Variants in PRKAR1A observed in about 807,000 individuals in gnomAD.
The protein encoded by PRKAR1A is protein kinase cAMP-dependent type I regulatory subunit alpha, also known as cAMP-dependent protein kinase type I-alpha regulatory subunit.
PRKAR1A carries 3 observed loss-of-function variants against 52.0 expected under a neutral mutation model. The ratio of observed to expected loss-of-function variants is 0.06; its 90% CI spans 0.03 to 0.15. The LOEUF is 0.15. Among genes scored for constraint, PRKAR1A ranks in the 10% least tolerant of loss-of-function variants. The pLI, the probability that PRKAR1A is intolerant of heterozygous loss-of-function variation, is 1.00. For synonymous variants in PRKAR1A, 188 were observed against 168.4 expected (o/e 1.12, Z -0.90); for missense variants, 240 against 477.4 (o/e 0.50, Z 4.63).
At chr17:68,445,344 A>G in the PRKAR1A span, among the ~76,000 whole-genome samples, 2 of 152,152 alleles carry the variant, frequency 1.3e-5, no homozygotes, top group Admixed American at 6.5e-5. Context: ...TCTCCCTCCT[A>G]TATAAAAATG....
the PRKAR1A span, among the ~76,000 whole-genome samples, chr17:68,459,351 C>T: frequency 6.6e-6 from 1 of 152,268 alleles, no homozygotes; most frequent in East Asian, 1.9e-4. Flanking sequence ...TGAAGTGTAC[C>T]ATAAAGTTTT....
the PRKAR1A span, among the ~76,000 whole-genome samples, chr17:68,492,229 CAG>C: frequency 1.3e-5 from 2 of 152,182 alleles, no homozygotes; most frequent in Non-Finnish European, 2.9e-5. Flanking sequence ...CACAGGAAAA[CAG>C]AAGAACAGGC....
chr17:68,501,480 C>T, the PRKAR1A span, among the ~76,000 whole-genome samples: 13 of 152,200 alleles, frequency 8.5e-5, no homozygotes, highest in South Asian at 1.7e-3. Context: ...TTTTGAGACA[C>T]GGTCTTGCTA....
At chr17:68,450,643 A>G in the PRKAR1A span, 3 of 1,488,390 alleles carry the variant, frequency 2.0e-6, no homozygotes, top group Middle Eastern at 1.8e-4. Context: ...CTTGTTTTAC[A>G]GACATTGATC....
chr17:68,456,892 G>A, the PRKAR1A span, among the ~76,000 whole-genome samples: 1 of 152,224 alleles, frequency 6.6e-6, no homozygotes, highest in African/African-American at 2.4e-5. Context: ...GGACAAATGG[G>A]AAAGTTTTTC....
chr17:68,433,502 C>T, the PRKAR1A span: 10 of 1,613,914 alleles, frequency 6.2e-6, no homozygotes, highest in Non-Finnish European at 8.5e-6. Context: ...AAGATGTGTA[C>T]CGTCTCGGTG....
At chr17:68,430,176 C>T in the PRKAR1A span, 3 of 1,605,786 alleles carry the variant, frequency 1.9e-6, no homozygotes, top group African/African-American at 4.0e-5. Context: ...GAGTAATGCA[C>T]AGGCAACGAT....
chr17:68,435,978 G>A, the PRKAR1A span, among the ~76,000 whole-genome samples: 34 of 152,224 alleles, frequency 2.2e-4, no homozygotes, highest in African/African-American at 3.4e-4. Flanking sequence ...TGATGCCGTC[G>A]CAGGCGCGCC....
the PRKAR1A span, chr17:68,421,461 A>T: frequency 2.8e-6 from 1 of 362,900 alleles, no homozygotes; most frequent in Non-Finnish European, 5.2e-6. Context: ...CACGGCATAT[A>T]TTTAAAAAGG....
At chr17:68,459,104 T>A in the PRKAR1A span, among the ~76,000 whole-genome samples, 1 of 152,220 alleles carries the variant, frequency 6.6e-6, no homozygotes, top group Non-Finnish European at 1.5e-5. Context: ...ATGTAAAAAA[T>A]AGTTCAGCTC....
chr17:68,530,683 T>G lies in PRKAR1A; in HGVS notation c.*234T>G. The G allele has an allele frequency of 7.0e-7, 1 of 1,421,296 alleles. No individual in the cohort carries two copies. The highest frequency in any genetic ancestry group is 1.4e-5 in the South Asian group (1 of 70,100). The allele number at this position is 1,421,296 out of a possible 1,614,324, so 88.0% of individuals were successfully genotyped here. Reference sequence around the variant, plus strand: ...TCTATGGAGACTTTGCTGTTACTGCTTCTCTTTGTGCAGTGTTAGTATTCA... The same window carrying G: ...TCTATGGAGACTTTGCTGTTACTGCGTCTCTTTGTGCAGTGTTAGTATTCA... On this transcript the variant is annotated 3_prime_UTR_variant, in exon 11 of 11. Transcript: ENST00000589228.
the PRKAR1A span, chr17:68,426,131 C>T: frequency 6.2e-7 from 1 of 1,612,216 alleles, no homozygotes; most frequent in Non-Finnish European, 8.5e-7. Context: ...AACTCATGTT[C>T]AGGAATAACT....
chr17:68,550,228 A>G (rs1234925107), intron 11 of PRKAR1A, among the ~76,000 whole-genome samples: 2 of 152,162 alleles, frequency 1.3e-5, no homozygotes, highest in East Asian at 1.9e-4. Context: ...TTCTAAATCT[A>G]TATACTGTTT....
chr17:68,491,208 C>T, the PRKAR1A span, among the ~76,000 whole-genome samples: 20 of 151,738 alleles, frequency 1.3e-4, 1 homozygote, highest in Non-Finnish European at 1.5e-5. Context: ...TTGCCTGCCT[C>T]AGCTTCCCAA....
At chr17:68,536,280 A>G (rs1202912905), downstream of PRKAR1A, 2 of 454,032 alleles carry the variant, frequency 4.4e-6, no homozygotes, top group Admixed American at 2.3e-5. Context: ...TTTACTGGAA[A>G]AGTTGATTTG....
intron 11 of PRKAR1A, among the ~76,000 whole-genome samples, chr17:68,543,157 T>C (rs2086385774): frequency 6.6e-6 from 1 of 152,096 alleles, no homozygotes; most frequent in African/African-American, 2.4e-5. Context: ...GATTGAGTGG[T>C]TCTAGGGTGG....
the PRKAR1A span, among the ~76,000 whole-genome samples, chr17:68,489,170 G>A: frequency 9.2e-6 from 1 of 108,572 alleles, no homozygotes; most frequent in African/African-American, 3.6e-5. Context: ...TACTAAGTGA[G>A]CACCCATCTT....
At chr17:68,456,583 CA>C in the PRKAR1A span, among the ~76,000 whole-genome samples, 97 of 152,310 alleles carry the variant, frequency 6.4e-4, 2 homozygotes, top group African/African-American at 2.1e-3. Flanking sequence ...TCTCAAAGCC[CA>C]AATGTGAACA....
chr17:68,443,992 T>C, the PRKAR1A span, among the ~76,000 whole-genome samples: 407 of 152,336 alleles, frequency 2.7e-3, 1 homozygote, highest in African/African-American at 9.6e-3. Context: ...TCCCGAGAAT[T>C]CAGTAAGGTT....
Sources: gnomAD v4.1 joint callset for allele counts (sites outside exome capture counted in the v4.1 genomes callset) on GRCh38, gnomAD v4.1.1 for gene constraint, MANE v1.5 for transcripts, NCBI Gene and HGNC (gene_info 2026-07-23, HGNC 2026-07-21) for gene names.